Variants in PLXNA4 observed in about 807,000 individuals in gnomAD.
PLXNA4 encodes plexin-A4.
A neutral mutation model predicts 191.8 loss-of-function variants in PLXNA4; 44 were observed. The observed-to-expected ratio is 0.23, with a 90% CI of 0.18 to 0.29. The LOEUF is 0.29. Among genes scored for constraint, PLXNA4 ranks in the 10% least tolerant of loss-of-function variants. The pLI is 1.00. For synonymous variants in PLXNA4, 1,082 were observed against 1,009.5 expected, an observed-to-expected ratio of 1.07 and a Z score of -1.36; for missense variants, 1,800 against 2,488.8, an observed-to-expected ratio of 0.72 and a Z score of 5.89.
chr7:132,394,914 G>C (rs1251903538), intron 3 of PLXNA4, among the ~76,000 whole-genome samples: 1 of 152,214 alleles, frequency 6.6e-6, no homozygotes, highest in Non-Finnish European at 1.5e-5. Context: ...TGATCCACCA[G>C]TCAGGTGAGC....
chr7:132,299,043 C>A (rs1476303933), intron 3 of PLXNA4, among the ~76,000 whole-genome samples: 1 of 152,234 alleles, frequency 6.6e-6, no homozygotes, highest in East Asian at 1.9e-4. Context: ...TGATGCTCAT[C>A]TGGCCTCTGG....
intron 3 of PLXNA4, among the ~76,000 whole-genome samples, chr7:132,419,437 C>T (rs1794774840): frequency 6.6e-6 from 1 of 152,180 alleles, no homozygotes; most frequent in Non-Finnish European, 1.5e-5. Flanking sequence ...AGGAGCTTTC[C>T]AACTTTTTTG....
At chr7:132,512,638 A>C (rs1429164782) in intron 1 of PLXNA4, among the ~76,000 whole-genome samples, 19 of 151,914 alleles carry the variant, frequency 1.3e-4, no homozygotes. Context: ...CTCACCAAAG[A>C]CCCCACCAGG....
In PLXNA4 at chr7:132,203,264, T is replaced by C. The variant is rs1797502315; in HGVS notation, c.2395+59A>G. ...TCCCGCGAGAATGCAGGACGGCTCC[T>C]TCCCTCTCTACCCCATCCCTTCCCC... On this transcript the variant is annotated intron_variant, in intron 11 of 31. Coordinates refer to ENST00000321063, the MANE Select transcript of PLXNA4 (RefSeq NM_020911.2). 2.0e-6 allele frequency: 3 copies of C among 1,500,754 alleles called. 1 individual carries two copies. In the African/African-American group the frequency reaches 4.1e-5, roughly 21 times the overall value. 93.0% of individuals were successfully genotyped at this position (1,500,754 alleles called of 1,614,324 possible). A position where few individuals can be genotyped will look rare whatever the true frequency, so the allele number is the denominator to read the frequency against.
At chr7:132,459,538 G>A (rs541561449) in intron 3 of PLXNA4, among the ~76,000 whole-genome samples, 13 of 152,248 alleles carry the variant, frequency 8.5e-5, no homozygotes, top group South Asian at 4.1e-4. Flanking sequence ...TAGAGATGCC[G>A]GAAGGGGTCC....
intron 1 of PLXNA4, among the ~76,000 whole-genome samples, chr7:132,561,942 C>A (rs1359596282): frequency 4.2e-4 from 43 of 103,122 alleles, no homozygotes; most frequent in Middle Eastern, 0.011. Context: ...CTCCTCCTTA[C>A]CCTCCTCTTT....
At chr7:132,525,387 C>G (rs1375963256) in intron 1 of PLXNA4, among the ~76,000 whole-genome samples, 1 of 151,940 alleles carries the variant, frequency 6.6e-6, no homozygotes, top group East Asian at 1.9e-4. Context: ...GTAGCTGGGA[C>G]AGCATGCACA....
At chr7:132,424,054 C>T (rs1475553727) in intron 3 of PLXNA4, among the ~76,000 whole-genome samples, 1 of 152,138 alleles carries the variant, frequency 6.6e-6, no homozygotes, top group Non-Finnish European at 1.5e-5. Context: ...TCACCTGAGG[C>T]CCTTGATTCT....
At chr7:132,413,581 AAC>A (rs1307177846) in intron 3 of PLXNA4, among the ~76,000 whole-genome samples, 1 of 152,208 alleles carries the variant, frequency 6.6e-6, no homozygotes, top group African/African-American at 2.4e-5. Context: ...CACAATGGAA[AAC>A]ACACCTAAGC....
At chr7:132,646,860 T>C (rs1803879200) in intron 1 of PLXNA4, among the ~76,000 whole-genome samples, 2 of 152,018 alleles carry the variant, frequency 1.3e-5, no homozygotes, top group Non-Finnish European at 2.9e-5. Flanking sequence ...CACACTGTCA[T>C]ACACTCACAA....
At chr7:132,266,075 G>A (rs555280579) in intron 4 of PLXNA4, among the ~76,000 whole-genome samples, 37 of 152,276 alleles carry the variant, frequency 2.4e-4, no homozygotes, top group African/African-American at 8.9e-4. Flanking sequence ...GTTTCCCTAT[G>A]TTCACTGGGC....
At position 132,193,703 on chromosome 7, in the gene PLXNA4, T is replaced by A. The variant is rs377559355; in HGVS notation, c.2856+359A>T. On this transcript the variant is annotated intron_variant, in intron 14 of 31. Coordinates refer to ENST00000321063, the MANE Select transcript of PLXNA4 (RefSeq NM_020911.2). ...AGCAACTTGCCCACATTTACCCAGT[T>A]AGCAAGTGGAAGAGCCAGGTATCAA... Among the ~76,000 whole-genome samples the A allele has an allele frequency of 2.1e-4, 32 of 152,322 alleles. No individual in the cohort carries two copies. The East Asian group carries it at 6.2e-3, about 29-fold the overall frequency.
chr7:132,630,914 T>C (rs1803480205), intron 2 of PLXNA4, among the ~76,000 whole-genome samples: 1 of 152,212 alleles, frequency 6.6e-6, no homozygotes, highest in South Asian at 2.1e-4. Context: ...AAGAATGACA[T>C]TGTTAAACTG....
At chr7:132,521,999 C>CT (rs1478279174) in intron 1 of PLXNA4, among the ~76,000 whole-genome samples, 2 of 152,176 alleles carry the variant, frequency 1.3e-5, no homozygotes, top group Non-Finnish European at 2.9e-5. Context: ...TGACATCCCC[C>CT]TTTCAGGACC....
At chr7:132,206,040 G>A (rs1463090524) in intron 10 of PLXNA4, among the ~76,000 whole-genome samples, 2 of 59,928 alleles carry the variant, frequency 3.3e-5, no homozygotes, top group African/African-American at 2.1e-4. Flanking sequence ...ATGTCCATAA[G>A]TGCACACACA....
rs376018898 is a variant in PLXNA4, at chr7:132,298,055, C to G, written c.1503+36G>C. The G allele has an allele frequency of 7.4e-6, 12 of 1,613,756 alleles. No individual in the cohort carries two copies. In the Admixed American group the frequency reaches 1.7e-4, roughly 22 times the overall value. On this transcript the variant is annotated intron_variant, in intron 4 of 31. Coordinates refer to ENST00000321063, the MANE Select transcript of PLXNA4 (RefSeq NM_020911.2). ...TGAGCCACAGGCTAGTATTTAACTG[C>G]AAGACAAATGTCTAGCGGAGCCCGA...
At chr7:132,460,057 G>C (rs1412443432) in intron 3 of PLXNA4, among the ~76,000 whole-genome samples, 1 of 151,978 alleles carries the variant, frequency 6.6e-6, no homozygotes, top group Admixed American at 6.6e-5. Flanking sequence ...AGATACAACT[G>C]TTTAAATTCC....
intron 10 of PLXNA4, among the ~76,000 whole-genome samples, chr7:132,205,095 CAA>C (rs1797571305): frequency 2.0e-5 from 3 of 152,232 alleles, no homozygotes; most frequent in African/African-American, 7.2e-5. Flanking sequence ...CAGAGTAAAG[CAA>C]AGTTTCCTAG....
At chr7:132,478,623 A>G (rs985416894) in intron 3 of PLXNA4, among the ~76,000 whole-genome samples, 1 of 152,236 alleles carries the variant, frequency 6.6e-6, no homozygotes, top group Admixed American at 6.5e-5. Context: ...GATGTATATA[A>G]GGCACCCATA....
Sources: gnomAD v4.1 joint callset for allele counts (sites outside exome capture counted in the v4.1 genomes callset) on GRCh38, gnomAD v4.1.1 for gene constraint, MANE v1.5 for transcripts, NCBI Gene and HGNC (gene_info 2026-07-23, HGNC 2026-07-21) for gene names.